The following COL23A1 variants were observed in gnomAD, a reference collection of about 807,000 sequenced individuals.
The protein encoded by COL23A1 is collagen alpha-1(XXIII) chain.
Under a neutral mutation model 99.3 loss-of-function variants are expected in COL23A1, and 97 were observed. That is an observed-to-expected ratio of 0.98 (90% CI 0.83 to 1.16). COL23A1 has a LOEUF of 1.16. Ranked by LOEUF, COL23A1 falls within the 50% of genes most tolerant of loss-of-function variation. The pLI is 0.00. For synonymous variants in COL23A1, 320 were observed against 308.2 expected (o/e 1.04, Z -0.40); for missense variants, 762 against 757.4 (o/e 1.01, Z -0.07).
chr5:178,352,961 T>C (rs1201145831), intron 2 of COL23A1, among the ~76,000 whole-genome samples: 1 of 152,228 alleles, frequency 6.6e-6, no homozygotes, highest in African/African-American at 2.4e-5. Context: ...GGGGAAAATA[T>C]ATGAGAACGT....
intron 11 of COL23A1, 54 bp downstream of exon 11, chr5:178,261,668 G>A: frequency 7.6e-7 from 1 of 1,323,550 alleles, no homozygotes; most frequent in Non-Finnish European, 1.1e-6. Flanking sequence ...GTGGTGGTGG[G>A]GGAGTCCATC....
chr5:178,403,812 C>T (rs566301707), intron 2 of COL23A1, among the ~76,000 whole-genome samples: 41 of 152,352 alleles, frequency 2.7e-4, no homozygotes, highest in African/African-American at 7.9e-4. Flanking sequence ...AATGCTTTTA[C>T]GCAAACACCT....
At chr5:178,448,696 G>A (rs1249505253) in intron 2 of COL23A1, among the ~76,000 whole-genome samples, 1 of 152,128 alleles carries the variant, frequency 6.6e-6, no homozygotes, top group African/African-American at 2.4e-5. Context: ...CATGAGGGCA[G>A]TGCCCCCAAG....
chr5:178,271,171 T>G (rs985854804), intron 5 of COL23A1, among the ~76,000 whole-genome samples: 23 of 151,992 alleles, frequency 1.5e-4, no homozygotes, highest in African/African-American at 5.6e-4. Flanking sequence ...TACCACTCAC[T>G]CAACAAAGCC....
At chr5:178,577,449 C>G (rs558180887) in intron 1 of COL23A1, among the ~76,000 whole-genome samples, 127 of 152,242 alleles carry the variant, frequency 8.3e-4, no homozygotes, top group Non-Finnish European at 1.5e-3. Context: ...CACGATTCAG[C>G]CCATGACACC....
At chr5:178,348,960 C>A (rs975672164) in intron 2 of COL23A1, among the ~76,000 whole-genome samples, 2 of 152,116 alleles carry the variant, frequency 1.3e-5, no homozygotes, top group Non-Finnish European at 2.9e-5. Flanking sequence ...CCAAATCCCA[C>A]CTGAACCCAA....
chr5:178,557,628 C>T (rs552708557), intron 2 of COL23A1, among the ~76,000 whole-genome samples: 3 of 152,292 alleles, frequency 2.0e-5, no homozygotes, highest in South Asian at 2.1e-4. Flanking sequence ...GCTGACTCCC[C>T]GGGCTGCTAG....
chr5:178,562,901 C>T (rs996382171), intron 1 of COL23A1, among the ~76,000 whole-genome samples: 7 of 152,154 alleles, frequency 4.6e-5, no homozygotes, highest in Non-Finnish European at 7.4e-5. Context: ...TTACAGAGCA[C>T]TGATTGGTGC....
chr5:178,376,485 T>G (rs1763078810), intron 2 of COL23A1, among the ~76,000 whole-genome samples: 2 of 152,232 alleles, frequency 1.3e-5, no homozygotes, highest in Non-Finnish European at 2.9e-5. Context: ...GGAGACCCCC[T>G]GCACTGCATT....
rs775121300 is a variant in COL23A1 at position 178,340,774 on chromosome 5, G to A, written c.362-33855C>T. Among the ~76,000 whole-genome samples the A allele has an allele frequency of 9.8e-5, 15 of 152,364 alleles. No homozygotes were observed. The highest frequency in any genetic ancestry group is 1.8e-4 in the Non-Finnish European group (12 of 68,034). On this transcript the variant is annotated intron_variant, in intron 2 of 28. Coordinates refer to ENST00000390654, the MANE Select transcript of COL23A1 (RefSeq NM_173465.4). The surrounding 1 kb of genome is among the most constrained non-coding windows in gnomAD (Gnocchi z 4.7). Reference sequence around the variant, plus strand: ...GTGGGCGGGAATGGAGGTGGCCGGGGCAAGGCCTGGCTTTTCTTACATGGT... The same window carrying A: ...GTGGGCGGGAATGGAGGTGGCCGGGACAAGGCCTGGCTTTTCTTACATGGT...
At chr5:178,336,955 G>A (rs539111445) in intron 2 of COL23A1, among the ~76,000 whole-genome samples, 6 of 150,904 alleles carry the variant, frequency 4.0e-5, no homozygotes, top group Admixed American at 6.6e-5. Flanking sequence ...ATACCGAGGC[G>A]TGGGTTTGCA....
At chr5:178,465,292 T>G (rs1349092239) in intron 2 of COL23A1, among the ~76,000 whole-genome samples, 1 of 152,166 alleles carries the variant, frequency 6.6e-6, no homozygotes, top group African/African-American at 2.4e-5. Context: ...CTCTGGGACT[T>G]AGAACACCAG....
At chr5:178,553,118 C>G (rs888847051) in intron 2 of COL23A1, among the ~76,000 whole-genome samples, 25 of 149,556 alleles carry the variant, frequency 1.7e-4, no homozygotes, top group African/African-American at 5.4e-4. Context: ...TGCAGTGAAC[C>G]GTGACTGCAC....
intron 5 of COL23A1, among the ~76,000 whole-genome samples, chr5:178,279,252 G>A (rs2973764): frequency 0.86 from 131,116 of 152,204 alleles, 56,706 homozygotes; most frequent in Non-Finnish European, 0.9. Flanking sequence ...CTCTTCTGAG[G>A]AGCCTTCTTC....
intron 24 of COL23A1, 100 bp from the exon 25 acceptor site, chr5:178,246,068 G>T: frequency 7.0e-7 from 1 of 1,427,320 alleles, no homozygotes; most frequent in Non-Finnish European, 9.9e-7. Flanking sequence ...AGACATGGGG[G>T]CAAGGAGACC....
intron 2 of COL23A1, among the ~76,000 whole-genome samples, chr5:178,425,673 A>AC (rs2127806146): frequency 6.6e-6 from 1 of 152,268 alleles, no homozygotes; most frequent in South Asian, 2.1e-4. Flanking sequence ...GTCTGCCGGC[A>AC]ACTGGAGGGG....
intron 1 of COL23A1, among the ~76,000 whole-genome samples, chr5:178,576,103 ATGCTGGGAGCTCCAACTTACAGCCGTTGG>A (rs1763340039): frequency 6.6e-6 from 1 of 152,114 alleles, no homozygotes; most frequent in Non-Finnish European, 1.5e-5. Context: ...CAGCAAGTCG[ATGCTGGGAGCTCCAACTTACAGCCGTTGG>A]GGGTGATTTT....
At chr5:178,479,167 C>T (rs746626612) in intron 2 of COL23A1, among the ~76,000 whole-genome samples, 2 of 152,134 alleles carry the variant, frequency 1.3e-5, no homozygotes, top group Non-Finnish European at 2.9e-5. Flanking sequence ...ATACTTAACA[C>T]CATCAGGCGC....
chr5:178,564,153 T>A (rs1228697013), intron 1 of COL23A1, among the ~76,000 whole-genome samples: 1 of 152,232 alleles, frequency 6.6e-6, no homozygotes, highest in Non-Finnish European at 1.5e-5. Context: ...TGAGCTACTC[T>A]CACCTTAATA....
Sources: allele counts gnomAD v4.1 joint callset (sites outside exome capture counted in the v4.1 genomes callset), GRCh38; gene constraint gnomAD v4.1.1; non-coding constraint Gnocchi (gnomAD v3.1); transcripts MANE v1.5; gene names NCBI Gene and HGNC (gene_info 2026-07-23, HGNC 2026-07-21).